Variants in ACTR6 observed in about 807,000 individuals in gnomAD.
ACTR6 encodes actin-related protein 6.
In ACTR6, 50 loss-of-function variants were observed where a neutral mutation model predicts 52.5. That is an observed-to-expected ratio of 0.95 (90% CI 0.76 to 1.20). The LOEUF is 1.20. Ranked by LOEUF, ACTR6 falls within the 50% of genes most tolerant of loss-of-function variation. The probability of loss-of-function intolerance (pLI) is 0.00; values close to 1 mark genes in which losing one functional copy is unlikely to be tolerated. For missense variants in ACTR6, 344 were observed against 472.4 expected, an observed-to-expected ratio of 0.73 and a Z score of 2.52; for synonymous variants, 135 against 147.2, an observed-to-expected ratio of 0.92 and a Z score of 0.60.
At chr12:100,202,801 G>T (rs1329780090) in intron 1 of ACTR6, among the ~76,000 whole-genome samples, 1 of 151,340 alleles carries the variant, frequency 6.6e-6, no homozygotes, top group Non-Finnish European at 1.5e-5. Flanking sequence ...AGCTTGCAGT[G>T]AGCCGAGATC....
rs745981618 is a variant in ACTR6 at position 100,220,098 on chromosome 12, G to T, written c.1013G>T (p.Arg338Leu). The change falls in exon 10 of 11, where the codon CGA becomes CTA. Residue 338 changes from arginine to leucine, a missense_variant. Coordinates refer to ENST00000188312, the MANE Select transcript of ACTR6 (RefSeq NM_022496.5). Reference sequence around the variant, plus strand: ...AGGGATCGGGTTTACTCAGAAGTTCGATGTCTTACTCCAACAGATTATGAT... The same window carrying T: ...AGGGATCGGGTTTACTCAGAAGTTCTATGTCTTACTCCAACAGATTATGAT... ...GFRDRVYSEV[R>L]CLTPTDYDVS... 1 of 1,613,682 alleles carries T rather than the reference G, an allele frequency of 6.2e-7. No individual in the cohort carries two copies. The highest frequency in any genetic ancestry group is 1.3e-5 in the African/African-American group (1 of 74,848).
chr12:100,206,559 T>C (rs1435580726), intron 3 of ACTR6, among the ~76,000 whole-genome samples: 1 of 152,172 alleles, frequency 6.6e-6, no homozygotes, highest in Non-Finnish European at 1.5e-5. Flanking sequence ...GGTTTCACCA[T>C]GTTGCCCAGG....
chr12:100,201,226 T>G (rs544028505), intron 1 of ACTR6, among the ~76,000 whole-genome samples: 1 of 152,210 alleles, frequency 6.6e-6, no homozygotes, highest in Non-Finnish European at 1.5e-5. Context: ...TTCATCAGCC[T>G]TTGGAAACTA....
chr12:100,200,941 G>C (rs916026634), intron 1 of ACTR6, 22 bp downstream of exon 1: 1 of 1,613,942 alleles, frequency 6.2e-7, no homozygotes, highest in African/African-American at 1.3e-5. Context: ...CTTTCTCCGA[G>C]GGACAAGATA....
intron 4 of ACTR6, chr12:100,208,763 T>C (rs1232718392): frequency 4.4e-6 from 2 of 456,060 alleles, no homozygotes; most frequent in South Asian, 3.1e-5. Flanking sequence ...TTTGTTTTTG[T>C]TAAGTCAGGG....
In ACTR6 at chr12:100,224,239, T is replaced by G; in HGVS notation, c.*324T>G. 5.7e-6 allele frequency: 1 copy of G among 174,664 alleles called. No homozygotes were observed. The highest frequency in any genetic ancestry group is 2.4e-5 in the African/African-American group (1 of 41,994). 10.8% of individuals were successfully genotyped at this position (174,664 alleles called of 1,614,324 possible). ...GAAAGCACAAATTTAACGGCTTCACTGGACAGTTTTCCTTAGAAGGTAGTT... is the reference window on the plus strand; with the variant it reads ...GAAAGCACAAATTTAACGGCTTCACGGGACAGTTTTCCTTAGAAGGTAGTT... On this transcript the variant is annotated 3_prime_UTR_variant, in exon 11 of 11. Coordinates refer to ENST00000188312, the MANE Select transcript of ACTR6 (RefSeq NM_022496.5).
chr12:100,220,644 G>A (rs760754208), intron 10 of ACTR6, among the ~76,000 whole-genome samples: 15 of 152,090 alleles, frequency 9.9e-5, no homozygotes, highest in Non-Finnish European at 1.8e-4. Context: ...TGTCTACCCT[G>A]TACAGTGTTA....
intron 1 of ACTR6, among the ~76,000 whole-genome samples, chr12:100,203,342 C>T (rs554964625): frequency 6.6e-6 from 1 of 152,212 alleles, no homozygotes; most frequent in South Asian, 2.1e-4. Flanking sequence ...CTTGCTCTGT[C>T]GCCCAGGCTG....
chr12:100,204,948 C>A lies in ACTR6; in HGVS notation c.77C>A (p.Pro26His). The A allele has an allele frequency of 6.2e-7, 1 of 1,601,128 alleles. No individual in the cohort carries two copies. Among genetic ancestry groups the A allele is most frequent in the South Asian group, 1.1e-5 (1 of 89,730 alleles). Residue 26 changes from proline to histidine, a missense_variant, in exon 2 of 11, where the codon CCT (proline) becomes CAT (histidine). Transcript: ENST00000188312. ...GYSHENVSVI[P>H]NCQFRSKTAR... ...TGTTTCCTTGTTTCTAGGGTTATTC[C>A]TAATTGTCAGTTCCGGTCAAAAACA...
intron 8 of ACTR6, among the ~76,000 whole-genome samples, chr12:100,212,871 G>C (rs1042077222): frequency 2.6e-5 from 4 of 151,804 alleles, no homozygotes; most frequent in Non-Finnish European, 5.9e-5. Flanking sequence ...GCCAGGTGTG[G>C]TGGCAGGTGC....
chr12:100,210,438 GCCAGT>G, intron 6 of ACTR6, 87 bp downstream of exon 6: 1 of 1,410,906 alleles, frequency 7.1e-7, no homozygotes, highest in Non-Finnish European at 9.9e-7. Flanking sequence ...TACTTTTAAG[GCCAGT>G]CATTGTGACT....
chr12:100,212,163 A>G, intron 6 of ACTR6, 93 bp from the exon 7 acceptor site: 1 of 836,948 alleles, frequency 1.2e-6, no homozygotes, highest in Non-Finnish European at 1.8e-6. Flanking sequence ...AAAATCAGTT[A>G]CCTGAAAATT....
At chr12:100,219,307 A>G (rs1033444964) in intron 9 of ACTR6, among the ~76,000 whole-genome samples, 2 of 152,148 alleles carry the variant, frequency 1.3e-5, no homozygotes, top group Non-Finnish European at 2.9e-5. Flanking sequence ...TGGCAGAGTG[A>G]GACTCGAGGT....
chr12:100,218,638 A>G lies in ACTR6; in HGVS notation c.922+52A>G. ...GAATTATAATTGTTTTAAAAACATC[A>G]TAAGCCCTGTGAACCCTGTTTCCTC... On this transcript the variant is annotated intron_variant, in intron 9 of 10. Transcript: ENST00000188312. This position sits in a 1 kb window ranked among gnomAD's most constrained non-coding sequence, Gnocchi z 4.2. The G allele has an allele frequency of 8.1e-7, 1 of 1,234,600 alleles. No homozygotes were observed. The highest frequency in any genetic ancestry group is 1.1e-6 in the Non-Finnish European group (1 of 945,512). The allele number at this position is 1,234,600 out of a possible 1,614,324, so 76.5% of individuals were successfully genotyped here.
chr12:100,200,822 A>G lies in ACTR6; in HGVS notation c.-30A>G, dbSNP rs773583188. ...AGCAGAGGGGTCGGAAAGGGAAAAC[A>G]ACTACGGCTGCGGTGTGGTTGGTGG... On this transcript the variant is annotated 5_prime_UTR_variant, in exon 1 of 11. Transcript: ENST00000188312. 2 of 1,613,380 alleles carry G rather than the reference A, an allele frequency of 1.2e-6. No individual in the cohort carries two copies. Among genetic ancestry groups the G allele is most frequent in the Non-Finnish European group, 8.5e-7 (1 of 1,179,300 alleles).
At position 100,210,010 on chromosome 12, in the gene ACTR6, CCTTT is replaced by C; in HGVS notation, c.380-62_380-59del. 2.8e-6 allele frequency: 4 copies of C among 1,433,602 alleles called. No homozygotes were observed. In the South Asian group the frequency reaches 5.7e-5, roughly 20 times the overall value. 88.8% of individuals were successfully genotyped at this position (1,433,602 alleles called of 1,614,324 possible). A position where few individuals can be genotyped will look rare whatever the true frequency, so the allele number is the denominator to read the frequency against. Reference sequence around the variant, plus strand: ...TCTTGGTGCTTGTCTTTGTTTCCTACCTTTTTAATTGCTTTAAATTAGTGTTATA... The same window carrying C: ...TCTTGGTGCTTGTCTTTGTTTCCTACTTAATTGCTTTAAATTAGTGTTATA... On this transcript the variant is annotated intron_variant, in intron 4 of 10. Coordinates refer to ENST00000188312, the MANE Select transcript of ACTR6 (RefSeq NM_022496.5).
At chr12:100,210,651 G>C (rs1858249895) in intron 6 of ACTR6, among the ~76,000 whole-genome samples, 2 of 151,708 alleles carry the variant, frequency 1.3e-5, no homozygotes, top group African/African-American at 4.8e-5. Context: ...CCAGGAGGTG[G>C]AGGTTGCAGT....
intron 8 of ACTR6, among the ~76,000 whole-genome samples, chr12:100,213,082 G>GT (rs540399495): frequency 9.1e-4 from 135 of 148,648 alleles, no homozygotes; most frequent in African/African-American, 3.1e-3. Context: ...CTTTTCTTTT[G>GT]TTTGTTTTGT....
Position 100,223,915 on chromosome 12 carries a change from A to G in ACTR6, c.1191A>G (p.Ter397=). 6.2e-7 allele frequency: 1 copy of G among 1,600,910 alleles called. No individual in the cohort carries two copies. The highest frequency in any genetic ancestry group is 8.5e-7 in the Non-Finnish European group (1 of 1,176,846). The change falls in exon 11 of 11, where the codon TAA becomes TAG. Residue 397 remains the stop codon, a stop_retained_variant. Coordinates refer to ENST00000188312, the MANE Select transcript of ACTR6 (RefSeq NM_022496.5). ...HSVCEEKFDI[*] ...TCTGTGAAGAGAAATTTGATATTTA[A>G]GCAACATTTTTGAATGAAAGTTGTG...
Sources: allele counts gnomAD v4.1 joint callset (sites outside exome capture counted in the v4.1 genomes callset), GRCh38; gene constraint gnomAD v4.1.1; non-coding constraint Gnocchi (gnomAD v3.1); transcripts MANE v1.5; gene names NCBI Gene and HGNC (gene_info 2026-07-23, HGNC 2026-07-21).